The following NPAS3 variants were observed in gnomAD, a reference collection of about 807,000 sequenced individuals.
The protein encoded by NPAS3 is neuronal PAS domain protein 3.
NPAS3 carries 14 observed loss-of-function variants against 73.1 expected under a neutral mutation model. The ratio of observed to expected loss-of-function variants is 0.19; its 90% CI spans 0.13 to 0.30. The LOEUF is 0.30. Among genes scored for constraint, NPAS3 ranks in the 10% least tolerant of loss-of-function variants. The pLI is 1.00. For missense variants in NPAS3, 1,096 were observed against 1,250.0 expected, an observed-to-expected ratio of 0.88 and a Z score of 1.86; for synonymous variants, 620 against 541.5, an observed-to-expected ratio of 1.14 and a Z score of -2.01.
intron 4 of NPAS3, among the ~76,000 whole-genome samples, chr14:33,505,514 T>C (rs971173325): frequency 6.6e-6 from 1 of 152,024 alleles, no homozygotes; most frequent in African/African-American, 2.4e-5. Flanking sequence ...TGGGATTAAT[T>C]TCCATATCCC....
intron 4 of NPAS3, among the ~76,000 whole-genome samples, chr14:33,455,388 A>G (rs932061593): frequency 7.9e-5 from 12 of 152,142 alleles, no homozygotes; most frequent in Admixed American, 7.9e-4. Context: ...TCGGGCTTTC[A>G]CTTCTCAAGG....
chr14:33,540,787 T>C (rs570710000), intron 4 of NPAS3, among the ~76,000 whole-genome samples: 1 of 152,046 alleles, frequency 6.6e-6, no homozygotes, highest in South Asian at 2.1e-4. Flanking sequence ...AAACATAAAA[T>C]GGGAACAAGA....
At chr14:33,560,094 T>C in intron 4 of NPAS3, 27 bp from the exon 5 acceptor site, 1 of 825,168 alleles carries the variant, frequency 1.2e-6, no homozygotes, top group East Asian at 2.5e-5. Flanking sequence ...TATTAATCTA[T>C]TTATATATTT....
intron 4 of NPAS3, among the ~76,000 whole-genome samples, chr14:33,547,007 AGTG>A (rs1405227546): frequency 6.6e-6 from 1 of 152,216 alleles, no homozygotes; most frequent in Admixed American, 6.5e-5. Context: ...GTAAAAATCT[AGTG>A]GAGAGGAGCA....
At chr14:33,196,405 A>G (rs1464147901) in intron 2 of NPAS3, among the ~76,000 whole-genome samples, 5 of 152,236 alleles carry the variant, frequency 3.3e-5, no homozygotes, top group Non-Finnish European at 1.5e-5. Flanking sequence ...TATCCTGACC[A>G]CAGAGGGGAA....
chr14:33,715,877 G>T (rs1268993190), intron 6 of NPAS3, among the ~76,000 whole-genome samples: 1 of 152,104 alleles, frequency 6.6e-6, no homozygotes, highest in African/African-American at 2.4e-5. Flanking sequence ...AGATTTGATG[G>T]TTTTATAAAG....
chr14:33,174,017 T>G (rs1400012838), intron 2 of NPAS3, among the ~76,000 whole-genome samples: 1 of 152,228 alleles, frequency 6.6e-6, no homozygotes, highest in East Asian at 1.9e-4. Flanking sequence ...TCGAAGCAAG[T>G]TCCTATGTGA....
intron 3 of NPAS3, among the ~76,000 whole-genome samples, chr14:33,351,794 C>T (rs2045070451): frequency 6.6e-6 from 1 of 152,080 alleles, no homozygotes; most frequent in South Asian, 2.1e-4. Flanking sequence ...GTGATTTACT[C>T]TATAAAATCG....
At chr14:33,383,125 A>G (rs550225166) in intron 4 of NPAS3, among the ~76,000 whole-genome samples, 2 of 150,682 alleles carry the variant, frequency 1.3e-5, no homozygotes, top group East Asian at 3.9e-4. Context: ...CACCTTTTAG[A>G]TATACATGCA....
chr14:33,193,538 G>T (rs2046244811), intron 2 of NPAS3, among the ~76,000 whole-genome samples: 1 of 152,192 alleles, frequency 6.6e-6, no homozygotes, highest in Admixed American at 6.5e-5. Flanking sequence ...ATGACATAGT[G>T]AGTGGAAGCA....
rs367921169 is a variant in NPAS3, at chr14:33,232,487, A to C, written c.385+17061A>C. On this transcript the variant is annotated intron_variant, in intron 3 of 11. Transcript: ENST00000356141. ...TGAGATGACTTGCGCAGTGTTAAGT[A>C]GTGTCAGGTTTATAATCTCCCAATA... Among the ~76,000 whole-genome samples, 82 of 152,344 alleles carry C rather than the reference A, an allele frequency of 5.4e-4. 2 individuals carry two copies. The South Asian group carries it at 0.017, about 32-fold the overall frequency.
upstream of NPAS3, among the ~76,000 whole-genome samples, chr14:32,938,485 T>TAGAG (rs1491191135): frequency 2.3e-3 from 51 of 21,770 alleles, 5 homozygotes; most frequent in South Asian, 6.4e-3. Context: ...GAGAGAGAAA[T>TAGAG]TGAGAGAGAG....
chr14:33,544,781 G>GTATGTGTTTATGTT (rs1274131254), intron 4 of NPAS3, among the ~76,000 whole-genome samples: 1 of 51,232 alleles, frequency 2.0e-5, no homozygotes, highest in African/African-American at 2.4e-4. Flanking sequence ...GTGTTTATGT[G>GTATGTGTTTATGTT]TGTGTATTAT....
intron 4 of NPAS3, among the ~76,000 whole-genome samples, chr14:33,375,480 G>A (rs2046273768): frequency 6.6e-6 from 1 of 152,112 alleles, no homozygotes; most frequent in Admixed American, 6.5e-5. Flanking sequence ...GTGTTGCACG[G>A]CTTTTAAGTT....
intron 2 of NPAS3, among the ~76,000 whole-genome samples, chr14:33,169,041 C>T (rs2045283579): frequency 6.6e-6 from 1 of 152,120 alleles, no homozygotes. Context: ...TTCATAAGAG[C>T]ATGTTGGGAG....
chr14:33,573,475 T>C (rs1381423789), intron 5 of NPAS3, among the ~76,000 whole-genome samples: 5 of 152,188 alleles, frequency 3.3e-5, no homozygotes, highest in Non-Finnish European at 7.3e-5. Context: ...AGATAGAATG[T>C]GGATGACTAA....
At chr14:33,310,272 G>GTAGCC (rs1234030986) in intron 3 of NPAS3, among the ~76,000 whole-genome samples, 2 of 151,606 alleles carry the variant, frequency 1.3e-5, no homozygotes, top group African/African-American at 4.9e-5. Context: ...TTCTCAGCTA[G>GTAGCC]TAGCCTCAAA....
At chr14:33,722,880 A>G (rs2061155592) in intron 6 of NPAS3, among the ~76,000 whole-genome samples, 1 of 152,142 alleles carries the variant, frequency 6.6e-6, no homozygotes, top group African/African-American at 2.4e-5. Flanking sequence ...TAACCATTTC[A>G]AGATGTGCTG....
intron 1 of NPAS3, among the ~76,000 whole-genome samples, chr14:32,961,956 C>G (rs768858560): frequency 3.9e-5 from 6 of 151,960 alleles, no homozygotes; most frequent in Non-Finnish European, 1.5e-5. Context: ...CAAATTAACA[C>G]AAGTTAGTTA....
Sources: allele counts gnomAD v4.1 joint callset (sites outside exome capture counted in the v4.1 genomes callset), GRCh38; gene constraint gnomAD v4.1.1; transcripts MANE v1.5; gene names NCBI Gene and HGNC (gene_info 2026-07-23, HGNC 2026-07-21).